SIPA1L3: variants seen among roughly 807,000 people sequenced by gnomAD.
SIPA1L3 encodes the protein signal-induced proliferation-associated 1-like protein 3.
A neutral mutation model predicts 150.1 loss-of-function variants in SIPA1L3; 59 were observed. The observed-to-expected ratio is 0.39, with a 90% CI of 0.32 to 0.49. SIPA1L3 has a LOEUF of 0.49. Among genes scored for constraint, SIPA1L3 ranks in the 20% least tolerant of loss-of-function variants. The probability of loss-of-function intolerance (pLI) is 0.86; values close to 1 mark genes in which losing one functional copy is unlikely to be tolerated. For synonymous variants in SIPA1L3, 1,070 were observed against 1,077.6 expected (o/e 0.99, Z 0.14); for missense variants, 2,211 against 2,489.5 (o/e 0.89, Z 2.38).
At position 38,164,377 on chromosome 19, in the gene SIPA1L3, G is replaced by C; in HGVS notation, c.3781-102G>C. On this transcript the variant is annotated intron_variant, in intron 14 of 21. Coordinates refer to ENST00000222345, the MANE Select transcript of SIPA1L3 (RefSeq NM_015073.3). The surrounding 1 kb of genome is among the most constrained non-coding windows in gnomAD (Gnocchi z 4.1). Reference sequence around the variant, plus strand: ...AGATGAGAAGCCAGGATTTGAAGCTGTCTGGTCCCAGGGTTCAGGCCCAGG... The same window carrying C: ...AGATGAGAAGCCAGGATTTGAAGCTCTCTGGTCCCAGGGTTCAGGCCCAGG... 1.8e-6 allele frequency: 2 copies of C among 1,115,632 alleles called. No homozygotes were observed. Among genetic ancestry groups the C allele is most frequent in the Non-Finnish European group, 2.6e-6 (2 of 769,248 alleles). The allele number at this position is 1,115,632 out of a possible 1,614,324, so 69.1% of individuals were successfully genotyped here. A position where few individuals can be genotyped will look rare whatever the true frequency, so the allele number is the denominator to read the frequency against.
rs563072497 is a variant in SIPA1L3 at position 37,984,191 on chromosome 19, T to G, written c.-378-44898T>G. On this transcript the variant is annotated intron_variant, in intron 1 of 21. Coordinates refer to ENST00000222345, the MANE Select transcript of SIPA1L3 (RefSeq NM_015073.3). ...CGAGGCGGTTAAGGGCTGGATTCCA[T>G]CCTTACTAATGTGTGACCTTGGGCA... Among the ~76,000 whole-genome samples, 37 of 152,290 alleles carry G rather than the reference T, an allele frequency of 2.4e-4. 1 individual carries two copies. Among genetic ancestry groups the G allele is most frequent in the African/African-American group, 8.7e-4 (36 of 41,552 alleles).
chr19:37,914,535 A>G (rs1400744198), intron 1 of SIPA1L3, among the ~76,000 whole-genome samples: 1 of 151,562 alleles, frequency 6.6e-6, no homozygotes, highest in Non-Finnish European at 1.5e-5. Flanking sequence ...ACACCTGGCT[A>G]ATTTTTTTTT....
intron 1 of SIPA1L3, among the ~76,000 whole-genome samples, chr19:37,935,311 G>C (rs1457021871): frequency 5.3e-5 from 8 of 152,174 alleles, no homozygotes; most frequent in Non-Finnish European, 1.0e-4. Flanking sequence ...TAACAATCTT[G>C]GTTGGAAATC....
At chr19:38,093,885 G>A (rs1970318787) in intron 4 of SIPA1L3, among the ~76,000 whole-genome samples, 1 of 152,220 alleles carries the variant, frequency 6.6e-6, no homozygotes. Context: ...GACAGGGTGA[G>A]CGCCAGGCCA....
chr19:37,965,514 C>A (rs912716877), intron 1 of SIPA1L3, among the ~76,000 whole-genome samples: 4 of 151,958 alleles, frequency 2.6e-5, no homozygotes, highest in African/African-American at 9.7e-5. Flanking sequence ...TGGGGTTTCA[C>A]CATGTTGGCC....
chr19:37,951,603 TA>T (rs1365261689), intron 1 of SIPA1L3, among the ~76,000 whole-genome samples: 1 of 151,882 alleles, frequency 6.6e-6, no homozygotes, highest in South Asian at 2.1e-4. Context: ...AAAAACAACT[TA>T]AAAAAAGCCC....
At chr19:38,191,676 G>A (rs1485542044) in intron 16 of SIPA1L3, among the ~76,000 whole-genome samples, 2 of 152,108 alleles carry the variant, frequency 1.3e-5, no homozygotes, top group African/African-American at 4.8e-5. Context: ...AGCTGGGCAT[G>A]GTGGTGGGTG....
intron 1 of SIPA1L3, among the ~76,000 whole-genome samples, chr19:38,024,856 C>T (rs2145708216): frequency 6.6e-6 from 1 of 152,260 alleles, no homozygotes; most frequent in South Asian, 2.1e-4. Context: ...ACAGAACCTC[C>T]CCAACTCAAA....
At chr19:38,139,915 A>G (rs1971532184) in intron 10 of SIPA1L3, among the ~76,000 whole-genome samples, 1 of 152,126 alleles carries the variant, frequency 6.6e-6, no homozygotes, top group African/African-American at 2.4e-5. Context: ...CCACTCCCGC[A>G]AGCCCTTTCT....
At chr19:38,070,835 AC>A (rs1483783678) in intron 2 of SIPA1L3, among the ~76,000 whole-genome samples, 1 of 152,032 alleles carries the variant, frequency 6.6e-6, no homozygotes, top group African/African-American at 2.4e-5. Context: ...TTAGAGAGGA[AC>A]CCTCGGACTT....
At chr19:37,979,287 G>A (rs534663317) in intron 1 of SIPA1L3, among the ~76,000 whole-genome samples, 3 of 152,016 alleles carry the variant, frequency 2.0e-5, no homozygotes, top group East Asian at 3.9e-4. Flanking sequence ...AGTGGCTCAC[G>A]CCTGTAATCC....
intron 2 of SIPA1L3, among the ~76,000 whole-genome samples, chr19:38,079,824 G>A (rs1417849595): frequency 6.6e-6 from 1 of 152,160 alleles, no homozygotes; most frequent in Admixed American, 6.5e-5. Flanking sequence ...CCAAAGTGCT[G>A]GGACTGCAGG....
intron 1 of SIPA1L3, among the ~76,000 whole-genome samples, chr19:37,944,858 G>C (rs1385826184): frequency 6.6e-6 from 1 of 152,138 alleles, no homozygotes; most frequent in African/African-American, 2.4e-5. Context: ...GCTGAGCCAG[G>C]AGAATCACTT....
At chr19:37,951,269 CAA>C (rs374882852) in intron 1 of SIPA1L3, among the ~76,000 whole-genome samples, 8 of 152,308 alleles carry the variant, frequency 5.3e-5, no homozygotes, top group African/African-American at 1.9e-4. Flanking sequence ...GGGTTACAAA[CAA>C]GAGCAAATTA....
intron 4 of SIPA1L3, among the ~76,000 whole-genome samples, chr19:38,098,811 T>C (rs942997055): frequency 2.0e-5 from 3 of 152,308 alleles, no homozygotes; most frequent in East Asian, 1.9e-4. Flanking sequence ...ATGGCTGTGA[T>C]TGGCTTTGAC....
rs140168667 is a variant in SIPA1L3, at chr19:38,123,147, G to A, written c.2868+3265G>A. ...TGCTCAGCACCTTGGGTGGTCTTGC[G>A]TCTCTTGCTCACAAAAGCCTGATGA... On this transcript the variant is annotated intron_variant, in intron 9 of 21. Transcript: ENST00000222345. Among the ~76,000 whole-genome samples, 146 of 152,230 alleles carry A rather than the reference G, an allele frequency of 9.6e-4. 2 individuals carry two copies. In the East Asian group the frequency reaches 0.021, roughly 22 times the overall value.
intron 2 of SIPA1L3, among the ~76,000 whole-genome samples, chr19:38,036,671 A>T (rs936653953): frequency 6.6e-6 from 1 of 152,176 alleles, no homozygotes; most frequent in African/African-American, 2.4e-5. Context: ...AATGCCTCTG[A>T]TGGGCGAGTT....
chr19:38,172,173 A>G (rs992566709), intron 15 of SIPA1L3, among the ~76,000 whole-genome samples: 11 of 152,158 alleles, frequency 7.2e-5, no homozygotes, highest in Admixed American at 2.0e-4. Flanking sequence ...AGCAGGCGGC[A>G]TTGCCAGGAA....
At chr19:37,949,580 G>A (rs1263411083) in intron 1 of SIPA1L3, among the ~76,000 whole-genome samples, 1 of 151,892 alleles carries the variant, frequency 6.6e-6, no homozygotes, top group South Asian at 2.1e-4. Flanking sequence ...CAGGAGAATC[G>A]CTTGAACCTG....
Sources: allele counts gnomAD v4.1 joint callset (sites outside exome capture counted in the v4.1 genomes callset), GRCh38; gene constraint gnomAD v4.1.1; non-coding constraint Gnocchi (gnomAD v3.1); transcripts MANE v1.5; gene names NCBI Gene and HGNC (gene_info 2026-07-23, HGNC 2026-07-21).